Variants in R3HCC1L observed in about 807,000 individuals in gnomAD.
The protein encoded by R3HCC1L is R3H domain and coiled-coil containing 1 like.
A neutral mutation model predicts 59.9 loss-of-function variants in R3HCC1L; 51 were observed. The ratio of observed to expected loss-of-function variants is 0.85; its 90% CI spans 0.68 to 1.07. R3HCC1L has a LOEUF of 1.07. Ranked by LOEUF, R3HCC1L falls within the 50% of genes least tolerant of loss-of-function variation. The probability of loss-of-function intolerance (pLI) is 0.00; values close to 1 mark genes in which losing one functional copy is unlikely to be tolerated. For synonymous variants in R3HCC1L, 322 were observed against 315.2 expected, an observed-to-expected ratio of 1.02 and a Z score of -0.23; for missense variants, 965 against 933.0, an observed-to-expected ratio of 1.03 and a Z score of -0.45.
chr10:98,235,361 C>T, intron 7 of R3HCC1L, 64 bp from the exon 8 acceptor site: 2 of 1,314,676 alleles, frequency 1.5e-6, no homozygotes, highest in South Asian at 2.4e-5. Context: ...TAAGAGCTAT[C>T]CCTAGTTTTT....
chr10:98,208,682 A>G lies in R3HCC1L; in HGVS notation c.568A>G (p.Arg190Gly). The G allele has an allele frequency of 6.2e-7, 1 of 1,614,156 alleles. No individual in the cohort carries two copies. Among genetic ancestry groups the G allele is most frequent in the Non-Finnish European group, 8.5e-7 (1 of 1,180,008 alleles). ...FQNVEFCDFS[R>G]HEPDGEAFED... ...AAATGTGGAATTCTGTGACTTCAGT[A>G]GGCATGAACCTGATGGGGAAGCATT... Residue 190 changes from arginine to glycine, a missense_variant, in exon 5 of 10, where the codon AGG becomes GGG. By Grantham distance (125) the Arg-to-Gly change is moderately radical (BLOSUM62 -2). Coordinates refer to ENST00000298999, the MANE Select transcript of R3HCC1L (RefSeq NM_001351015.2).
At chr10:98,233,570 C>CCG (rs1340143415) in intron 6 of R3HCC1L, among the ~76,000 whole-genome samples, 1 of 152,162 alleles carries the variant, frequency 6.6e-6, no homozygotes, top group African/African-American at 2.4e-5. Flanking sequence ...GAGGAGCCGA[C>CCG]CTAGCTTCAA....
At chr10:98,217,243 A>G (rs1854309628) in intron 5 of R3HCC1L, among the ~76,000 whole-genome samples, 2 of 152,246 alleles carry the variant, frequency 1.3e-5, no homozygotes, top group East Asian at 1.9e-4. Flanking sequence ...GCATATAGAC[A>G]TCCAATTTTT....
intron 4 of R3HCC1L, among the ~76,000 whole-genome samples, chr10:98,164,216 G>A (rs1163797317): frequency 6.6e-6 from 1 of 152,150 alleles, no homozygotes; most frequent in African/African-American, 2.4e-5. Flanking sequence ...GTGATTTGCC[G>A]AATTTTCTCT....
At chr10:98,139,585 A>C (rs1461940347) in intron 1 of R3HCC1L, among the ~76,000 whole-genome samples, 1 of 152,224 alleles carries the variant, frequency 6.6e-6, no homozygotes, top group Non-Finnish European at 1.5e-5. Context: ...AGGATGGATG[A>C]AGCTTGGGGA....
intron 5 of R3HCC1L, among the ~76,000 whole-genome samples, chr10:98,220,772 C>T (rs1285010100): frequency 6.6e-6 from 1 of 151,914 alleles, no homozygotes; most frequent in East Asian, 1.9e-4. Flanking sequence ...TTAATCCAGT[C>T]TGTCATTGTT....
intron 5 of R3HCC1L, among the ~76,000 whole-genome samples, chr10:98,224,795 A>T (rs966122674): frequency 3.3e-5 from 5 of 152,246 alleles, no homozygotes; most frequent in African/African-American, 1.2e-4. Flanking sequence ...AGACATTCTT[A>T]GCCCTAATAA....
At position 98,152,821 on chromosome 10, in the gene R3HCC1L, C is replaced by T. The variant is rs1423080460; in HGVS notation, c.-267-3272C>T. On this transcript the variant is annotated intron_variant, in intron 1 of 9. Transcript: ENST00000298999. ...GCCGCCCCGTCTGAGAAGTGAGGAG[C>T]CCCTCCACCCGGCAGCCGCCCCGTC... Among the ~76,000 whole-genome samples the T allele has an allele frequency of 2.6e-5, 4 of 151,036 alleles. No individual in the cohort carries two copies. The East Asian group carries it at 7.9e-4, about 30-fold the overall frequency.
intron 4 of R3HCC1L, among the ~76,000 whole-genome samples, chr10:98,196,510 C>T (rs1302895676): frequency 1.3e-5 from 2 of 152,186 alleles, no homozygotes; most frequent in Non-Finnish European, 2.9e-5. Context: ...TCCTCCAACT[C>T]AGCCTCCTGA....
intron 1 of R3HCC1L, among the ~76,000 whole-genome samples, 194 bp from the exon 2 acceptor site, chr10:98,155,899 T>C (rs1049664733): frequency 2.0e-5 from 3 of 152,122 alleles, no homozygotes; most frequent in Non-Finnish European, 4.4e-5. Flanking sequence ...CCTAGCTTCT[T>C]AATTTAGTTA....
chr10:98,149,570 T>C (rs576144086), intron 1 of R3HCC1L, among the ~76,000 whole-genome samples: 3 of 152,358 alleles, frequency 2.0e-5, no homozygotes, highest in Middle Eastern at 3.4e-3. Context: ...TCAAGAAATA[T>C]TTAAATTTCC....
chr10:98,218,335 A>G (rs1164183629), intron 5 of R3HCC1L, among the ~76,000 whole-genome samples: 1 of 152,104 alleles, frequency 6.6e-6, no homozygotes, highest in African/African-American at 2.4e-5. Context: ...ACAAAATACT[A>G]GTAAACCAAA....
intron 4 of R3HCC1L, among the ~76,000 whole-genome samples, chr10:98,188,661 C>A (rs1202494125): frequency 6.6e-6 from 1 of 152,158 alleles, no homozygotes; most frequent in African/African-American, 2.4e-5. Context: ...GGCTTCTCAT[C>A]TCCTAACATT....
At chr10:98,163,247 T>G (rs1458051954) in intron 3 of R3HCC1L, 46 bp from the exon 4 acceptor site, 2 of 435,492 alleles carry the variant, frequency 4.6e-6, no homozygotes, top group African/African-American at 4.0e-5. Flanking sequence ...GTCAAAGAAA[T>G]AACTGTGTAT....
At chr10:98,178,050 T>G (rs2084538640) in intron 4 of R3HCC1L, among the ~76,000 whole-genome samples, 2 of 152,206 alleles carry the variant, frequency 1.3e-5, no homozygotes, top group Admixed American at 6.5e-5. Context: ...GCAGAAGCTC[T>G]TTAGTTTAAT....
At chr10:98,182,000 A>G (rs1175908805) in intron 4 of R3HCC1L, among the ~76,000 whole-genome samples, 1 of 152,086 alleles carries the variant, frequency 6.6e-6, no homozygotes, top group Admixed American at 6.5e-5. Flanking sequence ...CGACCTTCTG[A>G]AGCCTACTTC....
At position 98,231,533 on chromosome 10, in the gene R3HCC1L, A is replaced by C; in HGVS notation, c.1807A>C (p.Arg603=). 6.2e-7 allele frequency: 1 copy of C among 1,612,992 alleles called. No homozygotes were observed. Among genetic ancestry groups the C allele is most frequent in the Non-Finnish European group, 8.5e-7 (1 of 1,179,662 alleles). The change falls in exon 6 of 10, where the codon AGA becomes CGA. Residue 603 remains arginine, a synonymous_variant. Coordinates refer to ENST00000298999, the MANE Select transcript of R3HCC1L (RefSeq NM_001351015.2). Reference sequence around the variant, plus strand: ...CTAGTTATCAGGGAATACCAAGAGCAGAGAGAGCATCCAGGAACCTAGATC... The same window carrying C: ...CTAGTTATCAGGGAATACCAAGAGCCGAGAGAGCATCCAGGAACCTAGATC... ...LQELSGNTKS[R]ESIQEPRSDY...
At chr10:98,170,843 T>A (rs1286667080) in intron 4 of R3HCC1L, among the ~76,000 whole-genome samples, 1 of 151,324 alleles carries the variant, frequency 6.6e-6, no homozygotes, top group African/African-American at 2.5e-5. Flanking sequence ...TGCTTTCACT[T>A]ATTATCTTTC....
intron 5 of R3HCC1L, among the ~76,000 whole-genome samples, chr10:98,230,373 G>A (rs563118672): frequency 2.3e-3 from 356 of 152,252 alleles, no homozygotes; most frequent in Non-Finnish European, 4.4e-3. Flanking sequence ...TTGCGTAGAG[G>A]TGTTTATAGT....
Sources: gnomAD v4.1 joint callset for allele counts (sites outside exome capture counted in the v4.1 genomes callset) on GRCh38, gnomAD v4.1.1 for gene constraint, MANE v1.5 for transcripts, NCBI Gene and HGNC (gene_info 2026-07-23, HGNC 2026-07-21) for gene names.